The following MYCBP2 variants were observed in gnomAD, a reference collection of about 807,000 sequenced individuals.
The protein encoded by MYCBP2 is E3 ubiquitin-protein ligase MYCBP2.
Under a neutral mutation model 525.3 loss-of-function variants are expected in MYCBP2, and 120 were observed. The observed-to-expected ratio is 0.23, with a 90% confidence interval of 0.20 to 0.27. The LOEUF (loss-of-function observed/expected upper bound fraction) is 0.27. Among genes scored for constraint, MYCBP2 ranks in the 10% least tolerant of loss-of-function variants. The pLI, the probability that MYCBP2 is intolerant of heterozygous loss-of-function variation, is 1.00. For missense variants in MYCBP2, 4,149 were observed against 5,657.1 expected, an observed-to-expected ratio of 0.73 and a Z score of 8.55; for synonymous variants, 1,894 against 1,955.8, an observed-to-expected ratio of 0.97 and a Z score of 0.83.
At chr13:77,077,660 C>A in intron 66 of MYCBP2, 1 of 330,510 alleles carries the variant, frequency 3.0e-6, no homozygotes, top group Non-Finnish European at 5.5e-6. Context: ...CCAGGCCTGA[C>A]TACGATATGG....
chr13:77,167,732 T>C lies in MYCBP2; in HGVS notation c.6114+696A>G, dbSNP rs113379493. Among the ~76,000 whole-genome samples, 1,042 of 152,304 alleles carry C rather than the reference T, an allele frequency of 6.8e-3. 6 individuals carry two copies. The highest frequency in any genetic ancestry group is 0.024 in the African/African-American group (992 of 41,560). On this transcript the variant is annotated intron_variant, in intron 40 of 82. Transcript: ENST00000544440. ...ATCATAAATGTGCTTTAAAACAATATAGGAGGTTAGGAAGTAGGTTGGGAA... is the reference window on the plus strand; with the variant it reads ...ATCATAAATGTGCTTTAAAACAATACAGGAGGTTAGGAAGTAGGTTGGGAA...
At chr13:77,129,035 A>C (rs1367444120) in intron 52 of MYCBP2, 3 of 390,356 alleles carry the variant, frequency 7.7e-6, no homozygotes, top group Non-Finnish European at 1.4e-5. Flanking sequence ...AGCACTTCAT[A>C]TAGATCTTTT....
intron 55 of MYCBP2, chr13:77,121,137 A>G: frequency 3.7e-6 from 1 of 271,056 alleles, no homozygotes; most frequent in Non-Finnish European, 6.7e-6. Flanking sequence ...TAAATAGAAA[A>G]AAAATAAGCA....
chr13:77,204,916 G>T (rs1481175171), intron 26 of MYCBP2, among the ~76,000 whole-genome samples: 1 of 109,752 alleles, frequency 9.1e-6, no homozygotes, highest in Non-Finnish European at 1.8e-5. Flanking sequence ...GGGGAGGGGG[G>T]AGGGATAGCA....
intron 43 of MYCBP2, among the ~76,000 whole-genome samples, chr13:77,162,368 G>A (rs950536576): frequency 3.3e-5 from 5 of 152,148 alleles, no homozygotes; most frequent in Admixed American, 6.5e-5. Flanking sequence ...AAAATATAAG[G>A]CAGTGACTGC....
chr13:77,258,864 T>C, intron 13 of MYCBP2, among the ~76,000 whole-genome samples: 1 of 152,160 alleles, frequency 6.6e-6, no homozygotes, highest in Non-Finnish European at 1.5e-5. Flanking sequence ...TCATTATCTA[T>C]TTTTTGCAGG....
rs757876692 is a variant in MYCBP2 at position 77,161,936 on chromosome 13, G to A, written c.6567C>T (p.Asp2189=). The stretch of plus-strand genomic sequence containing the variant: ...ATGCAGCCTCCTCAAGAATTTCAAG[G>A]TCTTCTTCTAATTCATTACCTGTTG... The part of the protein sequence containing the change: ...ALPIGNELEE[D]LEILEEAALQ... Residue 2189 remains aspartate, a synonymous_variant, in exon 44 of 83, where the codon GAC becomes GAT. Coordinates refer to ENST00000544440, the MANE Select transcript of MYCBP2 (RefSeq NM_015057.5). 3.0e-5 allele frequency: 48 copies of A among 1,606,678 alleles called. No individual in the cohort carries two copies. The highest frequency in any genetic ancestry group is 3.7e-5 in the Non-Finnish European group (44 of 1,175,988).
chr13:77,294,125 T>TATATATATAC (rs1179274861), intron 2 of MYCBP2, among the ~76,000 whole-genome samples: 2 of 67,488 alleles, frequency 3.0e-5, no homozygotes, highest in African/African-American at 8.0e-5. Context: ...TATATATATA[T>TATATATATAC]ATATACATAT....
chr13:77,111,762 T>C (rs918857420), intron 55 of MYCBP2, among the ~76,000 whole-genome samples: 9 of 152,126 alleles, frequency 5.9e-5, no homozygotes, highest in African/African-American at 1.9e-4. Flanking sequence ...CTCCAGGACC[T>C]TTTTCATAAT....
chr13:77,099,172 T>A (rs946048032), intron 55 of MYCBP2, 159 bp from the exon 56 acceptor site: 2 of 1,007,908 alleles, frequency 2.0e-6, no homozygotes, highest in Admixed American at 5.8e-5. Flanking sequence ...GGGGGAAATA[T>A]TTCTAATAAA....
chr13:77,294,991 T>C (rs2078017708), intron 2 of MYCBP2, among the ~76,000 whole-genome samples: 3 of 152,216 alleles, frequency 2.0e-5, no homozygotes, highest in African/African-American at 7.2e-5. Flanking sequence ...CAAGACTTTC[T>C]GCTATGACTA....
chr13:77,103,187 C>T (rs2047339450), intron 55 of MYCBP2: 1 of 397,448 alleles, frequency 2.5e-6, no homozygotes, highest in Admixed American at 4.4e-5. Context: ...AATGGCCCAT[C>T]CATGAATGCA....
At chr13:77,233,367 A>C in intron 17 of MYCBP2, 104 bp from the exon 18 acceptor site, 1 of 894,284 alleles carries the variant, frequency 1.1e-6, no homozygotes, top group South Asian at 1.6e-5. Context: ...TTTATTCTTA[A>C]CGGTTTTGGA....
intron 38 of MYCBP2, among the ~76,000 whole-genome samples, chr13:77,170,027 G>A (rs1030478441): frequency 5.9e-5 from 9 of 152,140 alleles, no homozygotes; most frequent in African/African-American, 2.2e-4. Flanking sequence ...AATAGAGCTG[G>A]AATCAGAACC....
intron 20 of MYCBP2, 82 bp downstream of exon 20, chr13:77,224,369 A>G: frequency 1.1e-6 from 1 of 873,412 alleles, no homozygotes; most frequent in South Asian, 1.6e-5. Context: ...TATACTTAAA[A>G]AGAGAAAAGA....
At chr13:77,121,619 T>C (rs970646672) in intron 54 of MYCBP2, 124 bp from the exon 55 acceptor site, 21 of 940,032 alleles carry the variant, frequency 2.2e-5, no homozygotes, top group Non-Finnish European at 2.9e-5. Flanking sequence ...CACATCTAGA[T>C]TTGATCAATT....
At chr13:77,282,133 G>A (rs770695156) in intron 3 of MYCBP2, among the ~76,000 whole-genome samples, 4 of 152,102 alleles carry the variant, frequency 2.6e-5, no homozygotes, top group East Asian at 3.8e-4. Context: ...ATGTGAGGCC[G>A]GGTGTGGTAG....
intron 60 of MYCBP2, among the ~76,000 whole-genome samples, chr13:77,089,234 T>A (rs2044914871): frequency 6.6e-6 from 1 of 152,144 alleles, no homozygotes; most frequent in African/African-American, 2.4e-5. Context: ...AGCTATTAAG[T>A]TGTAGAGGTG....
At position 77,177,729 on chromosome 13, in the gene MYCBP2, C is replaced by A. The variant is rs1188152971; in HGVS notation, c.5340+19G>T. On this transcript the variant is annotated intron_variant, in intron 35 of 82. Coordinates refer to ENST00000544440, the MANE Select transcript of MYCBP2 (RefSeq NM_015057.5). ...CACAACCCACTAATCAGGATAAATA[C>A]TAAAAGGGTGATACTTACATCATCA... The A allele has an allele frequency of 4.4e-6, 7 of 1,586,602 alleles. No homozygotes were observed. The highest frequency in any genetic ancestry group is 1.1e-5 in the South Asian group (1 of 90,476).
Sources: allele counts gnomAD v4.1 joint callset (sites outside exome capture counted in the v4.1 genomes callset), GRCh38; gene constraint gnomAD v4.1.1; transcripts MANE v1.5; gene names NCBI Gene and HGNC (gene_info 2026-07-23, HGNC 2026-07-21).